LUZP2: variants seen among roughly 807,000 people sequenced by gnomAD.
The protein encoded by LUZP2 is leucine zipper protein 2.
In LUZP2, 52 loss-of-function variants were observed where a neutral mutation model predicts 51.6. The ratio of observed to expected loss-of-function variants is 1.01; its 90% confidence interval spans 0.81 to 1.27. LUZP2 has a LOEUF of 1.27. Among genes scored for constraint, LUZP2 ranks in the 50% most tolerant of loss-of-function variants. LUZP2 has a pLI of 0.00. For synonymous variants in LUZP2, 154 were observed against 137.3 expected (o/e 1.12, Z -0.85); for missense variants, 436 against 395.4 (o/e 1.10, Z -0.87).
intron 6 of LUZP2, 25 bp from the exon 7 acceptor site, chr11:24,914,451 A>C (rs1853734776): frequency 6.5e-7 from 1 of 1,548,788 alleles, no homozygotes. Flanking sequence ...GAGTTACACA[A>C]CTTATCCATG....
intron 5 of LUZP2, among the ~76,000 whole-genome samples, chr11:24,841,652 C>T (rs117400101): frequency 1.3e-5 from 2 of 150,554 alleles, no homozygotes; most frequent in Admixed American, 1.3e-4. Flanking sequence ...TTCCAAAGGG[C>T]AAACAAATAA....
At chr11:24,960,558 T>G (rs1320025925) in intron 7 of LUZP2, among the ~76,000 whole-genome samples, 1 of 152,140 alleles carries the variant, frequency 6.6e-6, no homozygotes, top group Non-Finnish European at 1.5e-5. Flanking sequence ...TAATCTCTGA[T>G]AGTAGTTTGT....
chr11:24,970,326 GAT>G (rs1358155689), intron 7 of LUZP2, among the ~76,000 whole-genome samples: 1 of 151,990 alleles, frequency 6.6e-6, no homozygotes, highest in African/African-American at 2.4e-5. Flanking sequence ...CCATAAACCT[GAT>G]ATGTCTTTAA....
At chr11:24,850,392 A>G (rs1038527356) in intron 5 of LUZP2, among the ~76,000 whole-genome samples, 4 of 152,156 alleles carry the variant, frequency 2.6e-5, no homozygotes, top group Admixed American at 6.5e-5. Flanking sequence ...TCCATTCCCC[A>G]TTGCTTGTTT....
At chr11:24,832,190 G>A (rs2134180947) in intron 5 of LUZP2, 1 of 152,088 alleles carries the variant, frequency 6.6e-6, no homozygotes, top group East Asian at 1.9e-4. Context: ...CCATTACTGA[G>A]AAAATGGACC....
Position 24,960,772 on chromosome 11 carries a change from T to G in LUZP2, c.523-15819T>G, listed in dbSNP as rs188296689. On this transcript the variant is annotated intron_variant, in intron 7 of 11. Coordinates refer to ENST00000336930, the MANE Select transcript of LUZP2 (RefSeq NM_001009909.4). ...TCAGTTCTGCTCTGATTTTAGTTATTTCTTGCCTTCTGCTAGCTTTTGAAT... is the reference window on the plus strand; with the variant it reads ...TCAGTTCTGCTCTGATTTTAGTTATGTCTTGCCTTCTGCTAGCTTTTGAAT... Among the ~76,000 whole-genome samples the G allele has an allele frequency of 2.7e-3, 404 of 152,274 alleles. 4 individuals are homozygous for G. Among genetic ancestry groups the G allele is most frequent in the African/African-American group, 8.8e-3 (366 of 41,576 alleles).
intron 1 of LUZP2, among the ~76,000 whole-genome samples, chr11:24,499,303 A>T (rs1047531138): frequency 6.6e-6 from 1 of 152,238 alleles, no homozygotes; most frequent in Admixed American, 6.5e-5. Context: ...ATACCCTGTG[A>T]TATTGAACAA....
At chr11:24,757,975 A>G (rs916634649) in intron 4 of LUZP2, among the ~76,000 whole-genome samples, 1 of 152,128 alleles carries the variant, frequency 6.6e-6, no homozygotes, top group Admixed American at 6.5e-5. Context: ...GATGACTTTT[A>G]CCTAATTTTC....
At chr11:24,737,047 C>G (rs1232593983) in intron 3 of LUZP2, among the ~76,000 whole-genome samples, 1 of 152,048 alleles carries the variant, frequency 6.6e-6, no homozygotes, top group Non-Finnish European at 1.5e-5. Flanking sequence ...CCATTAAGTC[C>G]TGCTGGGTGA....
chr11:24,669,852 A>G (rs1457823794), intron 1 of LUZP2, among the ~76,000 whole-genome samples: 1 of 152,036 alleles, frequency 6.6e-6, no homozygotes, highest in East Asian at 1.9e-4. Flanking sequence ...AAGAGAGGAG[A>G]AATATAATTT....
intron 5 of LUZP2, among the ~76,000 whole-genome samples, chr11:24,900,478 G>A (rs1046917822): frequency 6.6e-6 from 1 of 152,072 alleles, no homozygotes; most frequent in African/African-American, 2.4e-5. Flanking sequence ...AAGACATAAG[G>A]GAACATCCCT....
intron 7 of LUZP2, among the ~76,000 whole-genome samples, chr11:24,928,408 G>A (rs1565122987): frequency 2.0e-5 from 3 of 151,910 alleles, no homozygotes; most frequent in Non-Finnish European, 4.4e-5. Flanking sequence ...TTCCTTCTAT[G>A]CTGATTTTGC....
At chr11:24,949,799 T>C (rs1431205517) in intron 7 of LUZP2, among the ~76,000 whole-genome samples, 1 of 151,678 alleles carries the variant, frequency 6.6e-6, no homozygotes, top group African/African-American at 2.4e-5. Flanking sequence ...ATGATTTAAA[T>C]GTGTAGAACA....
intron 5 of LUZP2, among the ~76,000 whole-genome samples, chr11:24,851,698 G>T (rs752219072): frequency 3.3e-5 from 5 of 152,238 alleles, no homozygotes; most frequent in Non-Finnish European, 7.4e-5. Context: ...AATGGTACCA[G>T]CTCCTCTTTG....
rs377484372 is a variant in LUZP2 at position 24,739,038 on chromosome 11, T to C, written c.333+736T>C. ...TGTTAATTGAACATATGAGGTATGG[T>C]AAGGTCAACAGATCAGGAAAGACTC... On this transcript the variant is annotated intron_variant, in intron 4 of 11. Transcript: ENST00000336930. 9.9e-5 allele frequency among the ~76,000 whole-genome samples: 15 copies of C among 152,190 alleles called. 1 individual carries two copies. The highest frequency in any genetic ancestry group is 3.4e-4 in the African/African-American group (14 of 41,544).
intron 7 of LUZP2, among the ~76,000 whole-genome samples, chr11:24,967,486 C>T (rs965968806): frequency 6.6e-6 from 1 of 151,466 alleles, no homozygotes; most frequent in Non-Finnish European, 1.5e-5. Context: ...TTTTCATACT[C>T]TTTTCTTTCT....
intron 7 of LUZP2, among the ~76,000 whole-genome samples, chr11:24,943,445 A>G (rs1001179635): frequency 6.6e-6 from 1 of 152,136 alleles, no homozygotes. Context: ...CTGTACTGCC[A>G]TAGCACTCTG....
chr11:24,681,638 T>C (rs1161165609), intron 1 of LUZP2, among the ~76,000 whole-genome samples: 3 of 152,208 alleles, frequency 2.0e-5, no homozygotes, highest in Non-Finnish European at 4.4e-5. Flanking sequence ...CTTTCCTTCA[T>C]CATAAAGAAA....
At chr11:24,856,847 G>T (rs1458595710) in intron 5 of LUZP2, among the ~76,000 whole-genome samples, 1 of 151,902 alleles carries the variant, frequency 6.6e-6, no homozygotes, top group Non-Finnish European at 1.5e-5. Flanking sequence ...GAAATAAAAA[G>T]TCAAATACTG....
Sources: allele counts gnomAD v4.1 joint callset (sites outside exome capture counted in the v4.1 genomes callset), GRCh38; gene constraint gnomAD v4.1.1; transcripts MANE v1.5; gene names NCBI Gene and HGNC (gene_info 2026-07-23, HGNC 2026-07-21).